Variants in CRABP1 observed in about 807,000 individuals in gnomAD.
CRABP1 encodes cellular retinoic acid binding protein 1, also known as cellular retinoic acid-binding protein 1.
In CRABP1, 9 loss-of-function variants were observed where a neutral mutation model predicts 16.4. The ratio of observed to expected loss-of-function variants is 0.55; its 90% CI spans 0.33 to 0.96. The LOEUF (loss-of-function observed/expected upper bound fraction) is 0.96, where lower values mean the gene tolerates loss of function less well. CRABP1 is among the 40% of genes least tolerant of loss of function. The probability of loss-of-function intolerance (pLI) is 0.03; values close to 1 mark genes in which losing one functional copy is unlikely to be tolerated. For synonymous variants in CRABP1, 72 were observed against 70.4 expected, an observed-to-expected ratio of 1.02 and a Z score of -0.11; for missense variants, 157 against 186.0, an observed-to-expected ratio of 0.84 and a Z score of 0.91.
In CRABP1 at chr15:78,340,362, C is replaced by T. The variant is rs1030080733; in HGVS notation, c.-67C>T. 5 of 1,535,210 alleles carry T rather than the reference C, an allele frequency of 3.3e-6. No individual in the cohort carries two copies. Among genetic ancestry groups the T allele is most frequent in the African/African-American group, 1.4e-5 (1 of 72,670 alleles). The stretch of plus-strand genomic sequence containing the variant: ...CTGGGCGCAAAGCGCCAGTCTCCGC[C>T]TTGCGAGCTCAGAGTGTGCCCGCTG... On this transcript the variant is annotated 5_prime_UTR_variant, in exon 1 of 4. Transcript: ENST00000299529.
At chr15:78,347,653 C>G (rs1398411303) in intron 3 of CRABP1, among the ~76,000 whole-genome samples, 3 of 152,178 alleles carry the variant, frequency 2.0e-5, no homozygotes, top group African/African-American at 7.2e-5. Context: ...AAAACCAAAA[C>G]TCCTGGCATT....
At chr15:78,347,791 GCA>G (rs1027321547) in intron 3 of CRABP1, 134 bp from the exon 4 acceptor site, 40 of 796,286 alleles carry the variant, frequency 5.0e-5, no homozygotes, top group African/African-American at 1.9e-4. Context: ...CTTAGCCTGA[GCA>G]CACACACAGG....
At chr15:78,345,646 C>T (rs1238330383) in intron 3 of CRABP1, among the ~76,000 whole-genome samples, 1 of 152,172 alleles carries the variant, frequency 6.6e-6, no homozygotes, top group African/African-American at 2.4e-5. Flanking sequence ...AGATGGACCC[C>T]ATCACTTTCA....
At chr15:78,340,899 A>G in intron 1 of CRABP1, 144 bp from the exon 2 acceptor site, 1 of 831,224 alleles carries the variant, frequency 1.2e-6, no homozygotes, top group Non-Finnish European at 1.8e-6. Context: ...TCAGTCTCTC[A>G]TCTCGAAAAC....
At position 78,341,704 on chromosome 15, in the gene CRABP1, C is replaced by T. The variant is rs1035078835; in HGVS notation, c.249+483C>T. 2.8e-4 allele frequency: 50 copies of T among 180,580 alleles called. No individual in the cohort carries two copies. Among genetic ancestry groups the T allele is most frequent in the Middle Eastern group, 2.5e-3 (1 of 400 alleles). The allele number at this position is 180,580 out of a possible 1,614,324, so 11.2% of individuals were successfully genotyped here. On this transcript the variant is annotated intron_variant, in intron 2 of 3. Coordinates refer to ENST00000299529, the MANE Select transcript of CRABP1 (RefSeq NM_004378.3). This position sits in a 1 kb window ranked among gnomAD's most constrained non-coding sequence, Gnocchi z 5.3. The stretch of plus-strand genomic sequence containing the variant: ...TTTAGCAGTCCCGATGGCCCCGTCA[C>T]CTCTCCCTTCCCGCCTTCGGCCTGG...
chr15:78,346,164 T>C (rs367547198), intron 3 of CRABP1, among the ~76,000 whole-genome samples: 1 of 152,130 alleles, frequency 6.6e-6, no homozygotes, highest in Non-Finnish European at 1.5e-5. Context: ...CATTTGACAA[T>C]CCATGGCTGT....
At position 78,344,006 on chromosome 15, in the gene CRABP1, C is replaced by T. The variant is rs1256613490; in HGVS notation, c.363+394C>T. On this transcript the variant is annotated intron_variant, in intron 3 of 3. Transcript: ENST00000299529. Reference sequence around the variant, plus strand: ...TCATTCTCATTCCCCCTTTTGCTGGCTGGAAAAGGTTTCAGTAATTTTTAT... The same window carrying T: ...TCATTCTCATTCCCCCTTTTGCTGGTTGGAAAAGGTTTCAGTAATTTTTAT... Among the ~76,000 whole-genome samples the T allele has an allele frequency of 4.6e-5, 7 of 152,106 alleles. No individual in the cohort carries two copies. The East Asian group carries it at 1.3e-3, about 29-fold the overall frequency.
intron 1 of CRABP1, 126 bp downstream of exon 1, chr15:78,340,624 C>T (rs1267472458): frequency 3.7e-6 from 4 of 1,068,514 alleles, no homozygotes; most frequent in Non-Finnish European, 5.4e-6. Context: ...GTCCCCGGGG[C>T]AATAGATCGC....
At chr15:78,345,735 G>A (rs552972375) in intron 3 of CRABP1, among the ~76,000 whole-genome samples, 1 of 152,260 alleles carries the variant, frequency 6.6e-6, no homozygotes, top group Admixed American at 6.5e-5. Flanking sequence ...GACTCAAAGG[G>A]AAAGGGAGTA....
At position 78,341,526 on chromosome 15, in the gene CRABP1, C is replaced by CGGTTT. The variant is rs1595954845; in HGVS notation, c.249+306_249+307insGTTTG. Reference sequence around the variant, plus strand: ...CAGTGGCTTTTGCAGCGGTTTGCAGCGCCAAGCGCAGGCGGCGCAGGAGGA... The same window carrying CGGTTT: ...CAGTGGCTTTTGCAGCGGTTTGCAGCGGTTTGCCAAGCGCAGGCGGCGCAGGAGGA... On this transcript the variant is annotated intron_variant, in intron 2 of 3. Transcript: ENST00000299529. This position sits in a 1 kb window ranked among gnomAD's most constrained non-coding sequence, Gnocchi z 5.3. The CGGTTT allele has an allele frequency of 7.8e-6, 3 of 383,362 alleles. No individual in the cohort carries two copies. The highest frequency in any genetic ancestry group is 1.2e-4 in the East Asian group (2 of 16,712). 23.7% of individuals were successfully genotyped at this position (383,362 alleles called of 1,614,324 possible).
intron 3 of CRABP1, among the ~76,000 whole-genome samples, chr15:78,344,447 C>T (rs2050253969): frequency 9.1e-6 from 1 of 109,828 alleles, no homozygotes; most frequent in African/African-American, 3.9e-5. Flanking sequence ...GCGACAGAGA[C>T]TCTGTCTCTA....
Position 78,341,321 on chromosome 15 carries a change from G to T in CRABP1, c.249+100G>T. The T allele has an allele frequency of 7.2e-7, 1 of 1,397,732 alleles. No individual in the cohort carries two copies. The highest frequency in any genetic ancestry group is 9.9e-7 in the Non-Finnish European group (1 of 1,006,930). 86.6% of individuals were successfully genotyped at this position (1,397,732 alleles called of 1,614,324 possible). Reference sequence around the variant, plus strand: ...TGTGTCTCCCTTTGCAGCCTGTGGCGCGCCTTCCTTGCAGGGTGTGTACAC... The same window carrying T: ...TGTGTCTCCCTTTGCAGCCTGTGGCTCGCCTTCCTTGCAGGGTGTGTACAC... On this transcript the variant is annotated intron_variant, in intron 2 of 3. Coordinates refer to ENST00000299529, the MANE Select transcript of CRABP1 (RefSeq NM_004378.3). The surrounding 1 kb of genome is among the most constrained non-coding windows in gnomAD (Gnocchi z 5.3).
intron 3 of CRABP1, among the ~76,000 whole-genome samples, chr15:78,344,035 A>G (rs1482969841): frequency 6.6e-6 from 1 of 152,118 alleles, no homozygotes; most frequent in Non-Finnish European, 1.5e-5. Flanking sequence ...TTTTTATCAC[A>G]TCAGCACTCA....
Position 78,340,391 on chromosome 15 carries a change from C to T in CRABP1, c.-38C>T. On this transcript the variant is annotated 5_prime_UTR_variant, in exon 1 of 4. Transcript: ENST00000299529. ...CGAGCTCAGAGTGTGCCCGCTGCGC[C>T]GCCGCTGTCCGTACCTGCCGCCGCC... 6.4e-7 allele frequency: 1 copy of T among 1,563,308 alleles called. No individual in the cohort carries two copies. Among genetic ancestry groups the T allele is most frequent in the Non-Finnish European group, 8.7e-7 (1 of 1,154,966 alleles).
At position 78,340,389 on chromosome 15, in the gene CRABP1, G is replaced by T. The variant is rs773409715; in HGVS notation, c.-40G>T. 2 of 1,561,234 alleles carry T rather than the reference G, an allele frequency of 1.3e-6. No homozygotes were observed. The highest frequency in any genetic ancestry group is 2.4e-5 in the South Asian group (2 of 85,050). ...TGCGAGCTCAGAGTGTGCCCGCTGCGCCGCCGCTGTCCGTACCTGCCGCCG... is the reference window on the plus strand; with the variant it reads ...TGCGAGCTCAGAGTGTGCCCGCTGCTCCGCCGCTGTCCGTACCTGCCGCCG... On this transcript the variant is annotated 5_prime_UTR_variant, in exon 1 of 4. Transcript: ENST00000299529.
chr15:78,344,201 T>C (rs2050251877), intron 3 of CRABP1, among the ~76,000 whole-genome samples: 2 of 152,134 alleles, frequency 1.3e-5, no homozygotes, highest in Admixed American at 1.3e-4. Context: ...CTTAAAAGTA[T>C]TCAGATCCCA....
intron 3 of CRABP1, among the ~76,000 whole-genome samples, chr15:78,344,884 C>T (rs1359129428): frequency 2.0e-5 from 3 of 151,518 alleles, no homozygotes; most frequent in Non-Finnish European, 1.5e-5. Context: ...CCACTGCACT[C>T]TAGCCTGGGC....
At chr15:78,344,967 C>T (rs2050257476) in intron 3 of CRABP1, among the ~76,000 whole-genome samples, 1 of 151,706 alleles carries the variant, frequency 6.6e-6, no homozygotes, top group Admixed American at 6.6e-5. Context: ...GGTTTTGCAA[C>T]CACCCTTTTC....
At chr15:78,342,521 C>T (rs181587437) in intron 2 of CRABP1, among the ~76,000 whole-genome samples, 128 of 152,322 alleles carry the variant, frequency 8.4e-4, no homozygotes, top group Non-Finnish European at 1.4e-3. Flanking sequence ...GCCCACCCCC[C>T]AGCCCAGCTG....
Sources: allele counts gnomAD v4.1 joint callset (sites outside exome capture counted in the v4.1 genomes callset), GRCh38; gene constraint gnomAD v4.1.1; non-coding constraint Gnocchi (gnomAD v3.1); transcripts MANE v1.5; gene names NCBI Gene and HGNC (gene_info 2026-07-23, HGNC 2026-07-21).